The following MYH10 variants were observed in gnomAD, a reference collection of about 807,000 sequenced individuals.
MYH10 encodes the protein myosin heavy chain 10.
In MYH10, 55 loss-of-function variants were observed where a neutral mutation model predicts 257.8. That is an observed-to-expected ratio of 0.21 (90% CI 0.17 to 0.27). The LOEUF (loss-of-function observed/expected upper bound fraction) is 0.27. Among genes scored for constraint, MYH10 ranks in the 10% least tolerant of loss-of-function variants. The pLI, the probability that MYH10 is intolerant of heterozygous loss-of-function variation, is 1.00. For missense variants in MYH10, 1,631 were observed against 2,500.6 expected (o/e 0.65, Z 7.42); for synonymous variants, 854 against 921.7 (o/e 0.93, Z 1.33).
At position 8,493,653 on chromosome 17, in the gene MYH10, A is replaced by G. The variant is rs1233680582; in HGVS notation, c.4209+80T>C. 6 of 1,477,810 alleles carry G rather than the reference A, an allele frequency of 4.1e-6. No homozygotes were observed. In the Admixed American group the frequency reaches 1.4e-4, roughly 34 times the overall value. 91.5% of individuals were successfully genotyped at this position (1,477,810 alleles called of 1,614,324 possible). A position where few individuals can be genotyped will look rare whatever the true frequency, so the allele number is the denominator to read the frequency against. Reference sequence around the variant, plus strand: ...TAATTAACTGTCCCAAATGGAGCTGAGACAGCCCAGCACAGCAGGGCCAGG... The same window carrying G: ...TAATTAACTGTCCCAAATGGAGCTGGGACAGCCCAGCACAGCAGGGCCAGG... On this transcript the variant is annotated intron_variant, in intron 32 of 42. Transcript: ENST00000360416.
At chr17:8,509,465 C>T (rs572761518) in intron 25 of MYH10, among the ~76,000 whole-genome samples, 32 of 152,342 alleles carry the variant, frequency 2.1e-4, no homozygotes, top group Non-Finnish European at 3.1e-4. Flanking sequence ...GTGCCCACCC[C>T]GGGAGCTTGG....
intron 2 of MYH10, among the ~76,000 whole-genome samples, chr17:8,616,388 C>A (rs919722657): frequency 6.6e-6 from 1 of 151,630 alleles, no homozygotes; most frequent in South Asian, 2.1e-4. Flanking sequence ...ACTATAATAA[C>A]CAATAAGTAA....
chr17:8,538,268 C>T (rs1197874965), intron 14 of MYH10, among the ~76,000 whole-genome samples: 2 of 152,174 alleles, frequency 1.3e-5, no homozygotes, highest in African/African-American at 2.4e-5. Flanking sequence ...TGTGGTCACG[C>T]GATCTTGGCT....
chr17:8,591,672 CGTTCTTCCTGCGT>C (rs2084146333), intron 3 of MYH10, among the ~76,000 whole-genome samples: 4 of 152,126 alleles, frequency 2.6e-5, no homozygotes, highest in African/African-American at 9.7e-5. Context: ...TTCAAAATGG[CGTTCTTCCTGCGT>C]CTGTACATGC....
chr17:8,612,840 ACT>A, intron 2 of MYH10, among the ~76,000 whole-genome samples: 1 of 150,282 alleles, frequency 6.7e-6, no homozygotes, highest in East Asian at 2.0e-4. Flanking sequence ...ACAGAGGGAG[ACT>A]CTGTTCTGTC....
chr17:8,539,598 CT>C (rs377039060), intron 14 of MYH10, among the ~76,000 whole-genome samples: 1 of 151,346 alleles, frequency 6.6e-6, no homozygotes, highest in Non-Finnish European at 1.5e-5. Context: ...AAATTCTTTT[CT>C]TTTTTTTTGA....
At position 8,485,158 on chromosome 17, in the gene MYH10, G is replaced by A. The variant is rs113031216; in HGVS notation, c.5047-892C>T. On this transcript the variant is annotated intron_variant, in intron 36 of 42. Coordinates refer to ENST00000360416, the MANE Select transcript of MYH10 (RefSeq NM_001256012.3). ...TAATTGATGAGTTTAGCAAGATTGC[G>A]GGATACAAGATCAACATACAAACAT... Among the ~76,000 whole-genome samples the A allele has an allele frequency of 5.8e-3, 881 of 152,002 alleles. 6 individuals are homozygous for A. The highest frequency in any genetic ancestry group is 0.019 in the African/African-American group (803 of 41,436).
chr17:8,561,347 G>A (rs777400879), intron 7 of MYH10: 28 of 1,166,532 alleles, frequency 2.4e-5, no homozygotes, highest in Admixed American at 8.4e-5. Flanking sequence ...TAAGAAATTC[G>A]TCATTCGAAA....
At chr17:8,480,029 C>G in intron 40 of MYH10, 81 bp downstream of exon 40, 1 of 1,429,834 alleles carries the variant, frequency 7.0e-7, no homozygotes, top group Non-Finnish European at 9.6e-7. Context: ...GTGGGGAGCC[C>G]CCCCGAAAGG....
chr17:8,622,289 A>G (rs1255380116), intron 2 of MYH10, among the ~76,000 whole-genome samples: 1 of 151,914 alleles, frequency 6.6e-6, no homozygotes, highest in East Asian at 1.9e-4. Flanking sequence ...CCCTCTCTAC[A>G]TTATCCCTTA....
intron 4 of MYH10, among the ~76,000 whole-genome samples, chr17:8,586,295 T>C (rs2083914810): frequency 6.6e-6 from 1 of 152,238 alleles, no homozygotes; most frequent in Non-Finnish European, 1.5e-5. Flanking sequence ...ATAAGTCTTA[T>C]CTTTTCTCTG....
In MYH10 at chr17:8,604,903, T is replaced by C; in HGVS notation, c.425A>G (p.Tyr142Cys). The change falls in exon 3 of 43, where the codon TAC (tyrosine) becomes TGC (cysteine). Residue 142 changes from tyrosine to cysteine, a missense_variant. By Grantham distance (194) the Tyr-to-Cys change is radical (BLOSUM62 -2). Transcript: ENST00000360416. Reference sequence around the variant, plus strand: ...CATCTCATGACGCTTCTTCCCTCTGTACATTTCAATAATATTCTCAGAGTA... The same window carrying C: ...CATCTCATGACGCTTCTTCCCTCTGCACATTTCAATAATATTCTCAGAGTA... ...PIYSENIIEM[Y>C]RGKKRHEMPP... is the part of the protein sequence containing the mutation. 6.2e-7 allele frequency: 1 copy of C among 1,600,040 alleles called. No homozygotes were observed. The highest frequency in any genetic ancestry group is 8.6e-7 in the Non-Finnish European group (1 of 1,168,964).
chr17:8,622,682 T>C (rs1200434436), intron 2 of MYH10, among the ~76,000 whole-genome samples: 1 of 152,234 alleles, frequency 6.6e-6, no homozygotes, highest in Non-Finnish European at 1.5e-5. Context: ...CATTTTATTA[T>C]ATGTAATTGC....
intron 9 of MYH10, 136 bp downstream of exon 9, chr17:8,551,910 G>T: frequency 2.3e-6 from 1 of 436,324 alleles, no homozygotes. Context: ...ATTTCATTTT[G>T]ATTTTCATGA....
At chr17:8,619,448 T>C (rs555570853) in intron 2 of MYH10, among the ~76,000 whole-genome samples, 1 of 152,318 alleles carries the variant, frequency 6.6e-6, no homozygotes, top group African/African-American at 2.4e-5. Context: ...TTTGACCTTG[T>C]GTGCTCCCCT....
At chr17:8,492,629 TC>T in intron 33 of MYH10, 120 bp from the exon 34 acceptor site, 8 of 1,227,198 alleles carry the variant, frequency 6.5e-6, no homozygotes, top group South Asian at 3.2e-5. Flanking sequence ...TTCTTGTATT[TC>T]CTTTTTTTTT....
intron 17 of MYH10, among the ~76,000 whole-genome samples, chr17:8,527,764 CT>C (rs1217098708): frequency 1.3e-5 from 2 of 152,212 alleles, no homozygotes; most frequent in African/African-American, 2.4e-5. Context: ...CTAAATGTTG[CT>C]GTCCGCACTT....
chr17:8,564,322 G>C (rs973177013), intron 7 of MYH10, among the ~76,000 whole-genome samples: 4 of 152,176 alleles, frequency 2.6e-5, no homozygotes, highest in Non-Finnish European at 5.9e-5. Context: ...TTCACTGTAA[G>C]CATGTAGCTT....
At chr17:8,478,787 G>A (rs1189057315) in intron 40 of MYH10, among the ~76,000 whole-genome samples, 4 of 152,214 alleles carry the variant, frequency 2.6e-5, no homozygotes, top group African/African-American at 4.8e-5. Flanking sequence ...CTGGGGTGCA[G>A]TGGCGCCATC....
Sources: gnomAD v4.1 joint callset for allele counts (sites outside exome capture counted in the v4.1 genomes callset) on GRCh38, gnomAD v4.1.1 for gene constraint, MANE v1.5 for transcripts, NCBI Gene and HGNC (gene_info 2026-07-23, HGNC 2026-07-21) for gene names.